The following SH3PXD2B variants were observed in gnomAD, a reference collection of about 807,000 sequenced individuals.
SH3PXD2B encodes SH3 and PX domains 2B.
Under a neutral mutation model 73.1 loss-of-function variants are expected in SH3PXD2B, and 37 were observed. That is an observed-to-expected ratio of 0.51 (90% CI 0.39 to 0.67). The LOEUF (loss-of-function observed/expected upper bound fraction) is 0.67, where lower values mean the gene tolerates loss of function less well. SH3PXD2B is among the 30% of genes least tolerant of loss of function. The pLI, the probability that SH3PXD2B is intolerant of heterozygous loss-of-function variation, is 0.00. For synonymous variants in SH3PXD2B, 457 were observed against 480.5 expected, an observed-to-expected ratio of 0.95 and a Z score of 0.64; for missense variants, 1,053 against 1,197.8, an observed-to-expected ratio of 0.88 and a Z score of 1.78.
chr5:172,329,083 A>ATATATTTTTTTTTTTTTTT (rs58472514), downstream of SH3PXD2B, among the ~76,000 whole-genome samples: 5 of 61,816 alleles, frequency 8.1e-5, no homozygotes, highest in African/African-American at 3.9e-4. Flanking sequence ...ATATATATAT[A>ATATATTTTTTTTTTTTTTT]TTTTTTTTTT....
At chr5:172,355,413 A>T (rs1049164919) in intron 8 of SH3PXD2B, among the ~76,000 whole-genome samples, 4 of 152,148 alleles carry the variant, frequency 2.6e-5, no homozygotes, top group Non-Finnish European at 4.4e-5. Flanking sequence ...CCAACCCCAG[A>T]TGCACAGAAG....
chr5:172,363,743 G>A (rs58111049), intron 6 of SH3PXD2B, among the ~76,000 whole-genome samples: 3,443 of 152,220 alleles, frequency 0.023, 122 homozygotes, highest in African/African-American at 0.078. Flanking sequence ...GAGTGGTTCT[G>A]AGTGAGGTCC....
At chr5:172,346,085 T>C in intron 12 of SH3PXD2B, 51 bp downstream of exon 12, 1 of 1,612,974 alleles carries the variant, frequency 6.2e-7, no homozygotes, top group Non-Finnish European at 8.5e-7. Flanking sequence ...TAGGAGGTGA[T>C]GCCTGGAATC....
chr5:172,350,478 G>A lies in SH3PXD2B; in HGVS notation c.897C>T (p.Asp299=). ...TCTGCTGCCGGGAAACACCATCCAA[G>A]TCAAGGGCACCCGGGTGGGAGGGTG... ...PGSPSHPGAL[D]LDGVSRQQNA... is the part of the protein sequence containing the mutation. Residue 299 remains aspartate (D), a synonymous_variant, in exon 10 of 13, where the codon GAC becomes GAT. Coordinates refer to ENST00000311601, the MANE Select transcript of SH3PXD2B (RefSeq NM_001017995.3). The A allele has an allele frequency of 6.2e-7, 1 of 1,614,160 alleles. No individual in the cohort carries two copies. The highest frequency in any genetic ancestry group is 1.7e-5 in the Admixed American group (1 of 60,030).
chr5:172,378,066 A>T (rs922141585), intron 5 of SH3PXD2B, among the ~76,000 whole-genome samples: 10 of 151,964 alleles, frequency 6.6e-5, no homozygotes, highest in Non-Finnish European at 1.2e-4. Flanking sequence ...GAAGCCAGAG[A>T]GTACCACAAA....
intron 1 of SH3PXD2B, among the ~76,000 whole-genome samples, chr5:172,448,306 A>G (rs1308813300): frequency 6.6e-6 from 1 of 152,224 alleles, no homozygotes; most frequent in Non-Finnish European, 1.5e-5. Context: ...GATCACGACT[A>G]TTATTATCAT....
At chr5:172,350,735 T>C (rs1481478495) in intron 9 of SH3PXD2B, 146 bp from the exon 10 acceptor site, 4 of 762,014 alleles carry the variant, frequency 5.2e-6, no homozygotes, top group Non-Finnish European at 8.5e-6. Context: ...GCACACACTG[T>C]GCATTTCCTC....
rs1491284921 is a variant in SH3PXD2B at position 172,439,674 on chromosome 5, G to GTGCA, written c.75+14603_75+14604insTGCA. On this transcript the variant is annotated intron_variant, in intron 1 of 12. Coordinates refer to ENST00000311601, the MANE Select transcript of SH3PXD2B (RefSeq NM_001017995.3). ...GTAAAAACCAGGTATGTGTGTGCGT[G>GTGCA]CGTGCGCGCACGCGCGCGCACACAC... Among the ~76,000 whole-genome samples the GTGCA allele has an allele frequency of 1.1e-3, 115 of 102,452 alleles. 1 individual carries two copies. Among genetic ancestry groups the GTGCA allele is most frequent in the African/African-American group, 6.7e-3 (107 of 16,032 alleles). 67.2% of individuals were successfully genotyped at this position (102,452 alleles called of 152,430 possible).
chr5:172,385,112 T>C (rs1758030347), intron 4 of SH3PXD2B, among the ~76,000 whole-genome samples: 1 of 152,158 alleles, frequency 6.6e-6, no homozygotes, highest in African/African-American at 2.4e-5. Context: ...TGAGTGGTCA[T>C]TCTCCTGGCC....
At chr5:172,356,448 C>A (rs1398467762) in intron 8 of SH3PXD2B, among the ~76,000 whole-genome samples, 2 of 152,214 alleles carry the variant, frequency 1.3e-5, no homozygotes. Context: ...ACTGGTTCAG[C>A]CTTATAGAAA....
intron 3 of SH3PXD2B, among the ~76,000 whole-genome samples, chr5:172,402,085 G>A (rs962541350): frequency 1.3e-5 from 2 of 152,208 alleles, no homozygotes; most frequent in African/African-American, 2.4e-5. Context: ...GAGAAATATC[G>A]CTGAATTCTT....
chr5:172,397,462 C>T (rs922108907), intron 3 of SH3PXD2B, among the ~76,000 whole-genome samples: 14 of 152,288 alleles, frequency 9.2e-5, no homozygotes, highest in Admixed American at 9.2e-4. Flanking sequence ...TTCGTACACT[C>T]CCTCCCCTTT....
At chr5:172,370,305 A>G (rs1561909675) in intron 6 of SH3PXD2B, among the ~76,000 whole-genome samples, 3 of 152,228 alleles carry the variant, frequency 2.0e-5, no homozygotes, top group African/African-American at 4.8e-5. Context: ...ACCCAGTTTT[A>G]ACACCTGATG....
intron 1 of SH3PXD2B, among the ~76,000 whole-genome samples, chr5:172,426,028 T>G (rs1388607692): frequency 6.6e-6 from 1 of 152,124 alleles, no homozygotes; most frequent in African/African-American, 2.4e-5. Flanking sequence ...GGAAAAATTG[T>G]CAAAGAATGG....
chr5:172,346,030 C>T (rs766043557), intron 12 of SH3PXD2B, 106 bp downstream of exon 12: 194 of 1,559,730 alleles, frequency 1.2e-4, no homozygotes, highest in Middle Eastern at 1.7e-4. Flanking sequence ...TAATCTCCGC[C>T]CCACCTCCAC....
At chr5:172,436,285 C>T (rs1279914252) in intron 1 of SH3PXD2B, among the ~76,000 whole-genome samples, 1 of 152,166 alleles carries the variant, frequency 6.6e-6, no homozygotes, top group Non-Finnish European at 1.5e-5. Context: ...GGGCCATCCA[C>T]CCCAGTTTCC....
chr5:172,359,224 G>T (rs796912984), intron 7 of SH3PXD2B, among the ~76,000 whole-genome samples: 1 of 151,474 alleles, frequency 6.6e-6, no homozygotes, highest in East Asian at 1.9e-4. Flanking sequence ...CTGTCTGTAC[G>T]AAAAATTTAA....
Position 172,333,802 on chromosome 5 carries a change from G to A in SH3PXD2B, c.*4567C>T, listed in dbSNP as rs140283769. 720 of 1,289,082 alleles carry A rather than the reference G, an allele frequency of 5.6e-4. 2 individuals are homozygous for A. The African/African-American group carries it at 9.9e-3, about 18-fold the overall frequency. 79.9% of individuals were successfully genotyped at this position (1,289,082 alleles called of 1,614,324 possible). On this transcript the variant is annotated 3_prime_UTR_variant, in exon 13 of 13. Coordinates refer to ENST00000311601, the MANE Select transcript of SH3PXD2B (RefSeq NM_001017995.3). ...GAGGTAAGAAATGGCCTGTTACTTG[G>A]AAGCTCCCCAAAGCAGGAAATGTGG...
At chr5:172,365,547 C>G (rs1242941412) in intron 6 of SH3PXD2B, among the ~76,000 whole-genome samples, 1 of 152,196 alleles carries the variant, frequency 6.6e-6, no homozygotes, top group Non-Finnish European at 1.5e-5. Context: ...TGTCTCAAGG[C>G]TTGTCTGCTA....
Sources: gnomAD v4.1 joint callset for allele counts (sites outside exome capture counted in the v4.1 genomes callset) on GRCh38, gnomAD v4.1.1 for gene constraint, MANE v1.5 for transcripts, NCBI Gene and HGNC (gene_info 2026-07-23, HGNC 2026-07-21) for gene names.